Variants in XKR6 observed in about 807,000 individuals in gnomAD.
XKR6 encodes XK related 6.
Under a neutral mutation model 56.7 loss-of-function variants are expected in XKR6, and 22 were observed. The observed-to-expected ratio is 0.39, with a 90% CI of 0.28 to 0.55. The LOEUF (loss-of-function observed/expected upper bound fraction) is 0.55. Among genes scored for constraint, XKR6 ranks in the 20% least tolerant of loss-of-function variants. The pLI is 0.66. For synonymous variants in XKR6, 524 were observed against 387.8 expected, an observed-to-expected ratio of 1.35 and a Z score of -4.13; for missense variants, 852 against 889.0, an observed-to-expected ratio of 0.96 and a Z score of 0.53.
intron 1 of XKR6, among the ~76,000 whole-genome samples, chr8:11,117,495 C>T (rs1203032463): frequency 1.3e-5 from 2 of 152,120 alleles, no homozygotes; most frequent in Non-Finnish European, 2.9e-5. Context: ...CAGCGGCTGG[C>T]CATTTGGGAA....
chr8:11,047,965 C>A (rs771313332), intron 1 of XKR6, among the ~76,000 whole-genome samples: 1 of 152,098 alleles, frequency 6.6e-6, no homozygotes, highest in South Asian at 2.1e-4. Context: ...GAGGAGTTAC[C>A]TGCTTTGCCA....
chr8:10,985,782 C>T (rs1204262933), intron 1 of XKR6, among the ~76,000 whole-genome samples: 1 of 152,048 alleles, frequency 6.6e-6, no homozygotes, highest in Non-Finnish European at 1.5e-5. Context: ...AGCATGAGAA[C>T]AGACTAATAC....
chr8:11,188,894 T>C (rs1041782422), intron 1 of XKR6, among the ~76,000 whole-genome samples: 4 of 152,084 alleles, frequency 2.6e-5, no homozygotes, highest in African/African-American at 9.7e-5. Flanking sequence ...ACCATCCCCA[T>C]GTACATTTCT....
At chr8:10,971,797 C>T (rs940048898) in intron 1 of XKR6, among the ~76,000 whole-genome samples, 2 of 152,216 alleles carry the variant, frequency 1.3e-5, no homozygotes, top group African/African-American at 2.4e-5. Context: ...ACCACCTCGT[C>T]CTCTTGCTCA....
chr8:11,108,427 T>A (rs1563141540), intron 1 of XKR6: 1 of 433,832 alleles, frequency 2.3e-6, no homozygotes, highest in African/African-American at 2.0e-5. Flanking sequence ...AGGGAGAAAA[T>A]CTTCATAATT....
At chr8:11,021,531 T>G (rs1353197180) in intron 1 of XKR6, among the ~76,000 whole-genome samples, 1 of 152,090 alleles carries the variant, frequency 6.6e-6, no homozygotes, top group Non-Finnish European at 1.5e-5. Flanking sequence ...CATTAGTAGC[T>G]TCTAGCCTTT....
rs1802408132 is a variant in XKR6, at chr8:10,971,474, A to G, written c.765-46644T>C. Among the ~76,000 whole-genome samples, 3 of 152,140 alleles carry G rather than the reference A, an allele frequency of 2.0e-5. 1 individual carries two copies. The South Asian group carries it at 6.2e-4, about 32-fold the overall frequency. Reference sequence around the variant, plus strand: ...TTAATTTAATTTGAAATAAAAAAATAAAATTACGAGCAGCCTCCATACACT... The same window carrying G: ...TTAATTTAATTTGAAATAAAAAAATGAAATTACGAGCAGCCTCCATACACT... On this transcript the variant is annotated intron_variant, in intron 1 of 2. Coordinates refer to ENST00000416569, the MANE Select transcript of XKR6 (RefSeq NM_173683.4).
At chr8:11,134,716 A>G (rs1800295102) in intron 1 of XKR6, among the ~76,000 whole-genome samples, 1 of 152,116 alleles carries the variant, frequency 6.6e-6, no homozygotes, top group South Asian at 2.1e-4. Flanking sequence ...ACACACACAC[A>G]GCCCCAAAAG....
intron 1 of XKR6, among the ~76,000 whole-genome samples, chr8:11,043,922 G>C (rs932538521): frequency 1.3e-5 from 2 of 152,204 alleles, no homozygotes; most frequent in South Asian, 4.1e-4. Flanking sequence ...GTGAAGTCAG[G>C]CACACCTACA....
At chr8:11,135,532 G>A (rs913042031) in intron 1 of XKR6, among the ~76,000 whole-genome samples, 1 of 152,134 alleles carries the variant, frequency 6.6e-6, no homozygotes, top group Non-Finnish European at 1.5e-5. Flanking sequence ...AGTTTAAATA[G>A]TTGATCTATT....
In XKR6 at chr8:11,200,784, G is replaced by A; in HGVS notation, c.556C>T (p.Gln186Ter). ...VQSLSFRWFV[Q>*]DYTGGGLGAV... ...CCCAGCCCGCCGCCCGTGTAGTCCTGCACGAACCAGCGGAAGCTCAGGCTC... is the reference window on the plus strand; with the variant it reads ...CCCAGCCCGCCGCCCGTGTAGTCCTACACGAACCAGCGGAAGCTCAGGCTC... The change falls in exon 1 of 3, where the codon CAG becomes TAG. Residue 186 changes from glutamine (Q) to a stop codon, truncating the protein, a stop_gained. Transcript: ENST00000416569. LOFTEE classifies it high-confidence loss of function. This position sits in a 1 kb window ranked among gnomAD's most constrained non-coding sequence, Gnocchi z 6.4. 6.2e-7 allele frequency: 1 copy of A among 1,608,422 alleles called. No individual in the cohort carries two copies. Among genetic ancestry groups the A allele is most frequent in the Non-Finnish European group, 8.5e-7 (1 of 1,178,186 alleles).
intron 1 of XKR6, among the ~76,000 whole-genome samples, chr8:10,960,244 G>A (rs2129130266): frequency 6.6e-6 from 1 of 151,590 alleles, no homozygotes; most frequent in East Asian, 1.9e-4. Flanking sequence ...AGGTATAGCA[G>A]GTAGGTGCAG....
intron 1 of XKR6, among the ~76,000 whole-genome samples, chr8:10,932,291 G>A (rs972721996): frequency 6.6e-6 from 1 of 152,168 alleles, no homozygotes; most frequent in Admixed American, 6.5e-5. Flanking sequence ...CTGGAAAACA[G>A]TGGACAGTCT....
intron 1 of XKR6, among the ~76,000 whole-genome samples, chr8:10,964,911 G>T (rs1037858271): frequency 6.6e-6 from 1 of 152,194 alleles, no homozygotes; most frequent in Admixed American, 6.5e-5. Flanking sequence ...CCCGGCCAGC[G>T]CTCCAGGGCG....
chr8:11,101,877 C>G (rs1276443144), intron 1 of XKR6, among the ~76,000 whole-genome samples: 2 of 152,080 alleles, frequency 1.3e-5, no homozygotes, highest in Non-Finnish European at 2.9e-5. Context: ...TCTAGAAACG[C>G]TCTCCTTCCC....
intron 2 of XKR6, among the ~76,000 whole-genome samples, chr8:10,904,757 C>T (rs1208955381): frequency 6.6e-6 from 1 of 152,180 alleles, no homozygotes; most frequent in African/African-American, 2.4e-5. Context: ...GTAGGCTGAA[C>T]ACAGCACCTG....
At chr8:11,121,651 G>T (rs980256966) in intron 1 of XKR6, among the ~76,000 whole-genome samples, 1 of 152,176 alleles carries the variant, frequency 6.6e-6, no homozygotes, top group African/African-American at 2.4e-5. Context: ...TCTAGAACGG[G>T]AAACACCATT....
At chr8:10,982,967 C>A (rs1329920860) in intron 1 of XKR6, among the ~76,000 whole-genome samples, 1 of 152,204 alleles carries the variant, frequency 6.6e-6, no homozygotes, top group African/African-American at 2.4e-5. Context: ...TTTAACTTCT[C>A]TAAGCCTATT....
At chr8:11,064,592 A>C (rs534091207) in intron 1 of XKR6, among the ~76,000 whole-genome samples, 1 of 152,380 alleles carries the variant, frequency 6.6e-6, no homozygotes, top group East Asian at 1.9e-4. Context: ...CCATCTGTCA[A>C]ATATAAATCA....
Sources: allele counts gnomAD v4.1 joint callset (sites outside exome capture counted in the v4.1 genomes callset), GRCh38; gene constraint gnomAD v4.1.1; non-coding constraint Gnocchi (gnomAD v3.1); transcripts MANE v1.5; gene names NCBI Gene and HGNC (gene_info 2026-07-23, HGNC 2026-07-21).